Variants in CARS1 observed in about 807,000 individuals in gnomAD.
The protein encoded by CARS1 is cysteine--tRNA ligase, cytoplasmic.
CARS1 carries 48 observed loss-of-function variants against 106.2 expected under a neutral mutation model. The ratio of observed to expected loss-of-function variants is 0.45; its 90% CI spans 0.36 to 0.57. CARS1 has a LOEUF of 0.57. Ranked by LOEUF, CARS1 falls within the 20% of genes least tolerant of loss-of-function variation. The pLI is 0.00. For synonymous variants in CARS1, 409 were observed against 403.4 expected (o/e 1.01, Z -0.17); for missense variants, 968 against 1,057.2 (o/e 0.92, Z 1.17).
intron 17 of CARS1, 37 bp downstream of exon 17, chr11:3,015,744 A>T: frequency 1.3e-6 from 2 of 1,577,540 alleles, no homozygotes; most frequent in Non-Finnish European, 1.7e-6. Flanking sequence ...GTGGGGAGGG[A>T]GCAGGTGCAG....
chr11:3,042,292 G>A (rs1213236159), intron 2 of CARS1, 36 bp from the exon 3 acceptor site: 2 of 1,540,540 alleles, frequency 1.3e-6, no homozygotes, highest in South Asian at 1.1e-5. Context: ...GGGTCCAGGG[G>A]CAGCACCAGG....
chr11:3,012,231 G>A lies in CARS1; in HGVS notation c.2032C>T (p.Arg678Ter), dbSNP rs777089529. The A allele has an allele frequency of 1.9e-6, 3 of 1,614,100 alleles. No homozygotes were observed. Among genetic ancestry groups the A allele is most frequent in the Admixed American group, 1.7e-5 (1 of 60,006 alleles). ...CGGGCAATCTTCCGCACTCCTTCTC[G>A]GAATTCTGATAACACCTGAAGGTAG... ...MPYLQVLSEF[R>*]EGVRKIAREQ... The change falls in exon 18 of 23, where the codon CGA (arginine) becomes TGA (stop). Residue 678 changes from arginine to a stop codon, truncating the protein, a stop_gained. Transcript: ENST00000380525. LOFTEE classifies it high-confidence loss of function.
rs1183322858 is a variant in CARS1, at chr11:3,017,351, T to A, written c.1728-56A>T. The A allele has an allele frequency of 2.6e-6, 4 of 1,519,700 alleles. No homozygotes were observed. The Admixed American group carries it at 5.1e-5, about 19-fold the overall frequency. The allele number at this position is 1,519,700 out of a possible 1,614,324, so 94.1% of individuals were successfully genotyped here. A position where few individuals can be genotyped will look rare whatever the true frequency, so the allele number is the denominator to read the frequency against. On this transcript the variant is annotated intron_variant, in intron 15 of 22. Transcript: ENST00000380525. The surrounding 1 kb of genome is among the most constrained non-coding windows in gnomAD (Gnocchi z 4.9). Reference sequence around the variant, plus strand: ...CAGACCTGAAAACACACCATAGAAATTCCCCATGTGGCCAGGCGCAGTGGC... The same window carrying A: ...CAGACCTGAAAACACACCATAGAAAATCCCCATGTGGCCAGGCGCAGTGGC...
intron 1 of CARS1, chr11:3,054,813 G>A: frequency 1.4e-6 from 1 of 696,454 alleles, no homozygotes; most frequent in South Asian, 1.5e-5. Flanking sequence ...CTGAAAAAAT[G>A]CTGGCTGTGT....
chr11:3,015,714 G>C (rs1850919692), intron 17 of CARS1, 67 bp downstream of exon 17: 3 of 1,390,232 alleles, frequency 2.2e-6, no homozygotes, highest in Middle Eastern at 3.5e-4. Context: ...GCAGTTCAGA[G>C]GGACACAGAG....
chr11:3,029,709 G>A lies in CARS1; in HGVS notation c.802-266C>T. The A allele has an allele frequency of 2.0e-6, 1 of 489,354 alleles. No homozygotes were observed. The highest frequency in any genetic ancestry group is 3.6e-6 in the Non-Finnish European group (1 of 276,164). The allele number at this position is 489,354 out of a possible 1,614,324, so 30.3% of individuals were successfully genotyped here. On this transcript the variant is annotated intron_variant, in intron 7 of 22. Coordinates refer to ENST00000380525, the MANE Select transcript of CARS1 (RefSeq NM_001014437.3). This position sits in a 1 kb window ranked among gnomAD's most constrained non-coding sequence, Gnocchi z 5.9. ...TGGGTGCAGAGGCAAAAAGAGGTGGGAGGGCCGAGGTGGGCCTGGTGAGCA... is the reference window on the plus strand; with the variant it reads ...TGGGTGCAGAGGCAAAAAGAGGTGGAAGGGCCGAGGTGGGCCTGGTGAGCA...
intron 18 of CARS1, among the ~76,000 whole-genome samples, chr11:3,010,356 G>A (rs766581903): frequency 2.6e-5 from 4 of 152,228 alleles, no homozygotes; most frequent in East Asian, 3.9e-4. Context: ...ATGCCCAGGC[G>A]ACCTCCAGGA....
At chr11:3,006,616 G>A (rs1849888562) in intron 19 of CARS1, among the ~76,000 whole-genome samples, 1 of 152,256 alleles carries the variant, frequency 6.6e-6, no homozygotes, top group Non-Finnish European at 1.5e-5. Flanking sequence ...AGGGGCAGCG[G>A]GCAGCCAGGC....
chr11:3,004,243 T>C lies in CARS1; in HGVS notation c.2217+1123A>G, dbSNP rs1481053690. ...TGGACCTGCAGACCACTCACCACTG[T>C]CTAGAGCTTTCCCCAGAGTTCCAGT... On this transcript the variant is annotated intron_variant, in intron 20 of 22. Transcript: ENST00000380525. The surrounding 1 kb of genome is among the most constrained non-coding windows in gnomAD (Gnocchi z 5.2). Among the ~76,000 whole-genome samples, 3 of 152,182 alleles carry C rather than the reference T, an allele frequency of 2.0e-5. No homozygotes were observed. Among genetic ancestry groups the C allele is most frequent in the Non-Finnish European group, 4.4e-5 (3 of 68,008 alleles).
chr11:3,005,629 TG>T (rs1177154551), intron 19 of CARS1, among the ~76,000 whole-genome samples, 196 bp from the exon 20 acceptor site: 1 of 116,068 alleles, frequency 8.6e-6, no homozygotes, highest in Non-Finnish European at 1.7e-5. Flanking sequence ...TGTGTGTGTG[TG>T]ATTTTTTTTT....
rs185529252 is a variant in CARS1, at chr11:3,040,292, G to A, written c.456-361C>T. Among the ~76,000 whole-genome samples, 173 of 152,310 alleles carry A rather than the reference G, an allele frequency of 1.1e-3. 1 individual carries two copies. Among genetic ancestry groups the A allele is most frequent in the Non-Finnish European group, 2.0e-3 (135 of 68,032 alleles). ...TATTGGTCAACAGGAGGCTATTTTA[G>A]TGGTGAAGTTTTTGGGGAATCAAAA... is the stretch of plus-strand genomic sequence containing the variant. On this transcript the variant is annotated intron_variant, in intron 4 of 22. Coordinates refer to ENST00000380525, the MANE Select transcript of CARS1 (RefSeq NM_001014437.3). The surrounding 1 kb of genome is among the most constrained non-coding windows in gnomAD (Gnocchi z 5.8).
At chr11:3,032,884 A>G (rs1245598468) in intron 7 of CARS1, among the ~76,000 whole-genome samples, 2 of 151,192 alleles carry the variant, frequency 1.3e-5, no homozygotes, top group Non-Finnish European at 2.9e-5. Context: ...AGTGAACCCT[A>G]AAGTAAACCA....
chr11:3,052,139 G>A lies in CARS1; in HGVS notation c.26-4138C>T, dbSNP rs1754886271. Among the ~76,000 whole-genome samples the A allele has an allele frequency of 1.3e-5, 2 of 152,216 alleles. No homozygotes were observed. Among genetic ancestry groups the A allele is most frequent in the East Asian group, 3.9e-4 (2 of 5,194 alleles). ...CAAATGTCCTAACGGCGGCTGCAGT[G>A]GCTTTTGAGCGCTGAGGAAGCAGTC... On this transcript the variant is annotated intron_variant, in intron 1 of 22. Transcript: ENST00000380525. This position sits in a 1 kb window ranked among gnomAD's most constrained non-coding sequence, Gnocchi z 4.6.
At position 3,046,150 on chromosome 11, in the gene CARS1, G is replaced by A. The variant is rs567236533; in HGVS notation, c.274+1603C>T. Among the ~76,000 whole-genome samples the A allele has an allele frequency of 6.6e-5, 10 of 152,320 alleles. No homozygotes were observed. In the East Asian group the frequency reaches 7.7e-4, roughly 12 times the overall value. On this transcript the variant is annotated intron_variant, in intron 2 of 22. Coordinates refer to ENST00000380525, the MANE Select transcript of CARS1 (RefSeq NM_001014437.3). The surrounding 1 kb of genome is among the most constrained non-coding windows in gnomAD (Gnocchi z 5.8). ...ATGGTCCATTCTGTTACACAGCAAC[G>A]TGGCTCTGCTTCCTCTCTGTAGGTT...
At position 3,048,119 on chromosome 11, in the gene CARS1, C is replaced by T; in HGVS notation, c.26-118G>A. The T allele has an allele frequency of 1.6e-6, 2 of 1,275,226 alleles. No individual in the cohort carries two copies. The highest frequency in any genetic ancestry group is 1.1e-6 in the Non-Finnish European group (1 of 938,476). 79.0% of individuals were successfully genotyped at this position (1,275,226 alleles called of 1,614,324 possible). A position where few individuals can be genotyped will look rare whatever the true frequency, so the allele number is the denominator to read the frequency against. On this transcript the variant is annotated intron_variant, in intron 1 of 22. Coordinates refer to ENST00000380525, the MANE Select transcript of CARS1 (RefSeq NM_001014437.3). This position sits in a 1 kb window ranked among gnomAD's most constrained non-coding sequence, Gnocchi z 5.1. ...AGGAAAAAGGTGTTCAAGCCCTTCC[C>T]TGGACGCCAAACATCCAGAACAGGC...
At position 3,046,875 on chromosome 11, in the gene CARS1, C is replaced by G. The variant is rs370008113; in HGVS notation, c.274+878G>C. Among the ~76,000 whole-genome samples the G allele has an allele frequency of 5.3e-5, 8 of 152,168 alleles. No individual in the cohort carries two copies. Among genetic ancestry groups the G allele is most frequent in the African/African-American group, 1.4e-4 (6 of 41,438 alleles). On this transcript the variant is annotated intron_variant, in intron 2 of 22. Coordinates refer to ENST00000380525, the MANE Select transcript of CARS1 (RefSeq NM_001014437.3). The surrounding 1 kb of genome is among the most constrained non-coding windows in gnomAD (Gnocchi z 5.8). ...ATGCAGGCATCCCAGGAGTATCTCC[C>G]GCAAATAACCACAGGCACGTTCCAC...
rs1018775839 is a variant in CARS1, at chr11:3,008,328, T to C, written c.2069-1369A>G. 1 of 152,254 alleles carries C rather than the reference T, an allele frequency of 6.6e-6. No individual in the cohort carries two copies. The highest frequency in any genetic ancestry group is 6.5e-5 in the Admixed American group (1 of 15,270). 9.4% of individuals were successfully genotyped at this position (152,254 alleles called of 1,614,324 possible). On this transcript the variant is annotated intron_variant, in intron 18 of 22. Coordinates refer to ENST00000380525, the MANE Select transcript of CARS1 (RefSeq NM_001014437.3). The surrounding 1 kb of genome is among the most constrained non-coding windows in gnomAD (Gnocchi z 5.1). ...CCTTCATTCACTGCTAGATAAAATA[T>C]TCACATATCCGGGCAGGCACGGTGG... is the stretch of plus-strand genomic sequence containing the variant.
At chr11:3,005,220 GTTAAT>G (rs1270365196) in intron 20 of CARS1, 141 bp downstream of exon 20, 1 of 593,822 alleles carries the variant, frequency 1.7e-6, no homozygotes, top group Non-Finnish European at 2.9e-6. Flanking sequence ...GAAGATACTA[GTTAAT>G]TTTTCTTTCT....
chr11:3,055,814 G>T (rs930490663), intron 1 of CARS1, among the ~76,000 whole-genome samples: 5 of 152,252 alleles, frequency 3.3e-5, no homozygotes, highest in Non-Finnish European at 5.9e-5. Context: ...ACTTAATTGA[G>T]TGCCAGGCAC....
Sources: gnomAD v4.1 joint callset for allele counts (sites outside exome capture counted in the v4.1 genomes callset) on GRCh38, gnomAD v4.1.1 for gene constraint, Gnocchi (gnomAD v3.1) non-coding constraint, MANE v1.5 for transcripts, NCBI Gene and HGNC (gene_info 2026-07-23, HGNC 2026-07-21) for gene names.